NSD2: variants seen among roughly 807,000 people sequenced by gnomAD.
NSD2 encodes the protein nuclear receptor binding SET domain protein 2.
Under a neutral mutation model 139.0 loss-of-function variants are expected in NSD2, and 12 were observed. The observed-to-expected ratio is 0.09, with a 90% confidence interval of 0.06 to 0.14. The LOEUF (loss-of-function observed/expected upper bound fraction) is 0.14, where lower values mean the gene tolerates loss of function less well. NSD2 is among the 10% of genes least tolerant of loss of function. NSD2 has a pLI of 1.00. For missense variants in NSD2, 1,155 were observed against 1,745.0 expected, an observed-to-expected ratio of 0.66 and a Z score of 6.02; for synonymous variants, 669 against 648.7, an observed-to-expected ratio of 1.03 and a Z score of -0.48.
At chr4:1,886,624 G>T (rs1715133796) in intron 1 of NSD2, among the ~76,000 whole-genome samples, 1 of 152,118 alleles carries the variant, frequency 6.6e-6, no homozygotes, top group Non-Finnish European at 1.5e-5. Context: ...AAGGTCAGGA[G>T]ATCAAGACCA....
At position 1,982,090 on chromosome 4, in the gene NSD2, G is replaced by C. The variant is rs1186511900; in HGVS notation, c.*3181G>C. 2 of 396,674 alleles carry C rather than the reference G, an allele frequency of 5.0e-6. No homozygotes were observed. The highest frequency in any genetic ancestry group is 4.1e-5 in the African/African-American group (2 of 48,254). The allele number at this position is 396,674 out of a possible 1,614,324, so 24.6% of individuals were successfully genotyped here. Reference sequence around the variant, plus strand: ...TTGGGGGGAGGGATATACTGAAATAGAGAGTTGAGACTTGCCAGTTGGGGG... The same window carrying C: ...TTGGGGGGAGGGATATACTGAAATACAGAGTTGAGACTTGCCAGTTGGGGG... On this transcript the variant is annotated 3_prime_UTR_variant, in exon 22 of 22. Coordinates refer to ENST00000508803, the MANE Select transcript of NSD2 (RefSeq NM_001042424.3).
At chr4:1,943,781 G>T in intron 9 of NSD2, 8 of 1,060,852 alleles carry the variant, frequency 7.5e-6, no homozygotes, top group Non-Finnish European at 9.1e-6. Flanking sequence ...TATAAAAATG[G>T]CTCTGGTTCA....
rs1056240923 is a variant in NSD2, at chr4:1,901,349, A to G, written c.597+98A>G. ...GCACGAGTACTGGGGCGGGCGGAGA[A>G]GGTGAGGACAGGCCTGGTACTTCCA... On this transcript the variant is annotated intron_variant, in intron 2 of 21. Transcript: ENST00000508803. The G allele has an allele frequency of 7.4e-6, 8 of 1,084,302 alleles. No individual in the cohort carries two copies. In the African/African-American group the frequency reaches 1.1e-4, roughly 15 times the overall value. 67.2% of individuals were successfully genotyped at this position (1,084,302 alleles called of 1,614,324 possible).
At position 1,955,532 on chromosome 4, in the gene NSD2, G is replaced by A. The variant is rs1233069512; in HGVS notation, c.2519-161G>A. 1.1e-5 allele frequency: 13 copies of A among 1,229,218 alleles called. 1 individual carries two copies. Among genetic ancestry groups the A allele is most frequent in the Non-Finnish European group, 1.4e-5 (13 of 911,808 alleles). The allele number at this position is 1,229,218 out of a possible 1,614,324, so 76.1% of individuals were successfully genotyped here. On this transcript the variant is annotated intron_variant, in intron 13 of 21. Coordinates refer to ENST00000508803, the MANE Select transcript of NSD2 (RefSeq NM_001042424.3). This position sits in a 1 kb window ranked among gnomAD's most constrained non-coding sequence, Gnocchi z 4.7. ...TTCGCAAACATACAGGAAATTATTT[G>A]TGGTGAAAATGACATTTGCTCTCGT... is the stretch of plus-strand genomic sequence containing the variant.
intron 18 of NSD2, among the ~76,000 whole-genome samples, chr4:1,964,127 T>A (rs908516602): frequency 1.3e-5 from 2 of 152,218 alleles, no homozygotes; most frequent in African/African-American, 4.8e-5. Context: ...GTAACAAGAC[T>A]ACATTTAAAG....
chr4:1,935,874 C>T (rs1217054795), intron 7 of NSD2, among the ~76,000 whole-genome samples: 1 of 151,586 alleles, frequency 6.6e-6, no homozygotes, highest in Non-Finnish European at 1.5e-5. Flanking sequence ...AAAAAACAAA[C>T]AAAAAAACCC....
rs1199110177 is a variant in NSD2, at chr4:1,948,224, A to C, written c.1882-2848A>C. The C allele has an allele frequency of 1.9e-6, 2 of 1,064,528 alleles. No individual in the cohort carries two copies. Among genetic ancestry groups the C allele is most frequent in the East Asian group, 1.0e-4 (2 of 19,896 alleles). 65.9% of individuals were successfully genotyped at this position (1,064,528 alleles called of 1,614,324 possible). ...GCAGCATGGCTGTGGTGGACGCGGG[A>C]AACAACGGGAAAGTTCTTGACAGAG... On this transcript the variant is annotated intron_variant, in intron 9 of 21. Coordinates refer to ENST00000508803, the MANE Select transcript of NSD2 (RefSeq NM_001042424.3). This position sits in a 1 kb window ranked among gnomAD's most constrained non-coding sequence, Gnocchi z 4.5.
Position 1,972,068 on chromosome 4 carries a change from C to CAA in NSD2, c.3373-2793_3373-2792dup, listed in dbSNP as rs1197652111. Among the ~76,000 whole-genome samples the CAA allele has an allele frequency of 6.6e-6, 1 of 152,210 alleles. No individual in the cohort carries two copies. Among genetic ancestry groups the CAA allele is most frequent in the South Asian group, 2.1e-4 (1 of 4,830 alleles). Reference sequence around the variant, plus strand: ...GCAGAAACAGCAGAGCAGCAAGAGGCAAACAGTGTCTCTCGGAGAATGTGA... The same window carrying CAA: ...GCAGAAACAGCAGAGCAGCAAGAGGCAAAAACAGTGTCTCTCGGAGAATGTGA... On this transcript the variant is annotated intron_variant, in intron 18 of 21. Transcript: ENST00000508803. The surrounding 1 kb of genome is among the most constrained non-coding windows in gnomAD (Gnocchi z 4.0).
chr4:1,923,400 C>G (rs980805585), intron 5 of NSD2, among the ~76,000 whole-genome samples: 4 of 151,100 alleles, frequency 2.6e-5, no homozygotes, highest in Non-Finnish European at 5.9e-5. Flanking sequence ...AGAGCCGAAA[C>G]AATTCTGAAG....
chr4:1,955,350 C>T lies in NSD2; in HGVS notation c.2518+10C>T. 3.7e-6 allele frequency: 6 copies of T among 1,602,730 alleles called. No individual in the cohort carries two copies. Among genetic ancestry groups the T allele is most frequent in the Non-Finnish European group, 5.1e-6 (6 of 1,172,358 alleles). ...TTCGTGTGCTCCAAAGGTGAGGGGCCTGGGGGTGTCTGCGGCACACGCCTC... is the reference window on the plus strand; with the variant it reads ...TTCGTGTGCTCCAAAGGTGAGGGGCTTGGGGGTGTCTGCGGCACACGCCTC... On this transcript the variant is annotated intron_variant, in intron 13 of 21. Coordinates refer to ENST00000508803, the MANE Select transcript of NSD2 (RefSeq NM_001042424.3). This position sits in a 1 kb window ranked among gnomAD's most constrained non-coding sequence, Gnocchi z 4.7.
At chr4:1,936,308 C>G (rs1722391226) in intron 7 of NSD2, among the ~76,000 whole-genome samples, 1 of 152,134 alleles carries the variant, frequency 6.6e-6, no homozygotes, top group South Asian at 2.1e-4. Flanking sequence ...TCTCAGATGT[C>G]CGGTTAACTT....
At chr4:1,905,968 G>T (rs1717842836) in intron 3 of NSD2, among the ~76,000 whole-genome samples, 2 of 152,186 alleles carry the variant, frequency 1.3e-5, no homozygotes, top group African/African-American at 4.8e-5. Flanking sequence ...AGCCTCTGCA[G>T]CCCGGGTGCA....
rs1725791435 is a variant in NSD2, at chr4:1,965,473, A to G, written c.3372+4322A>G. 1.3e-5 allele frequency among the ~76,000 whole-genome samples: 2 copies of G among 152,236 alleles called. 1 individual carries two copies. The highest frequency in any genetic ancestry group is 4.1e-4 in the South Asian group (2 of 4,832). ...GACAACTTTGAAAAAATAATGGCTGAAAAATTCCCAGGTTTGATGAAACAC... is the reference window on the plus strand; with the variant it reads ...GACAACTTTGAAAAAATAATGGCTGGAAAATTCCCAGGTTTGATGAAACAC... On this transcript the variant is annotated intron_variant, in intron 18 of 21. Coordinates refer to ENST00000508803, the MANE Select transcript of NSD2 (RefSeq NM_001042424.3).
In NSD2 at chr4:1,900,944, A is replaced by C. The variant is rs376638264; in HGVS notation, c.290A>C (p.Lys97Thr). Reference sequence around the variant, plus strand: ...GGAGAACCCGGCGCACACGATGCCAAACTGCGTTTTGAGTCCCAGGAAATG... The same window carrying C: ...GGAGAACCCGGCGCACACGATGCCACACTGCGTTTTGAGTCCCAGGAAATG... ...FNGEPGAHDAKLRFESQEMKG... is the reference protein window; with the variant it reads ...FNGEPGAHDATLRFESQEMKG... Residue 97 changes from lysine to threonine, a missense_variant, in exon 2 of 22, where the codon AAA (lysine) becomes ACA (threonine). By Grantham distance (78) the Lys-to-Thr change is moderately conservative. This residue lies in a region of NSD2 where 246 missense variants were observed against 262.8 expected (regional missense o/e 0.94). Coordinates refer to ENST00000508803, the MANE Select transcript of NSD2 (RefSeq NM_001042424.3). The C allele has an allele frequency of 6.2e-7, 1 of 1,614,208 alleles. No homozygotes were observed. Among genetic ancestry groups the C allele is most frequent in the African/African-American group, 1.3e-5 (1 of 75,042 alleles).
chr4:1,935,222 C>T lies in NSD2; in HGVS notation c.1634C>T (p.Pro545Leu), dbSNP rs771509829. The T allele has an allele frequency of 2.5e-6, 4 of 1,613,180 alleles. No individual in the cohort carries two copies. In the South Asian group the frequency reaches 4.4e-5, roughly 18 times the overall value. Residue 545 changes from proline (P) to leucine (L), a missense_variant, in exon 7 of 22, where the codon CCC (proline) becomes CTC (leucine). Around this residue, in one of 8 missense-constraint regions of NSD2, gnomAD observed 420 missense variants for 469.0 expected, o/e 0.90. Transcript: ENST00000508803. ...PTEDAEAEDT[P>L]RKRLRTDKHS... The stretch of plus-strand genomic sequence containing the variant: ...GAAGATGCTGAAGCTGAGGACACAC[C>T]CAGGAAAAGACTCAGGACGGACAAG...
chr4:1,916,808 G>A, intron 3 of NSD2, 63 bp from the exon 4 acceptor site: 1 of 1,526,648 alleles, frequency 6.6e-7, no homozygotes. Flanking sequence ...AATAGCAGTA[G>A]ATTTGACTAG....
intron 12 of NSD2, among the ~76,000 whole-genome samples, chr4:1,953,826 G>A (rs1298271053): frequency 6.7e-6 from 1 of 148,698 alleles, no homozygotes; most frequent in Non-Finnish European, 1.5e-5. Flanking sequence ...ATAGAGTCTT[G>A]CTCTGTTACC....
intron 9 of NSD2, chr4:1,941,127 T>C: frequency 9.5e-7 from 1 of 1,054,550 alleles, no homozygotes; most frequent in South Asian, 4.6e-5. Context: ...TTATACAAAT[T>C]ATTTTTCCTT....
At chr4:1,906,693 C>T (rs1717960480) in intron 3 of NSD2, among the ~76,000 whole-genome samples, 1 of 128,626 alleles carries the variant, frequency 7.8e-6, no homozygotes, top group East Asian at 2.5e-4. Flanking sequence ...CACAGTTTCA[C>T]TCTGTCTCCC....
Sources: allele counts gnomAD v4.1 joint callset (sites outside exome capture counted in the v4.1 genomes callset), GRCh38; gene constraint gnomAD v4.1.1; regional missense constraint gnomAD v4.1.1; non-coding constraint Gnocchi (gnomAD v3.1); transcripts MANE v1.5; gene names NCBI Gene and HGNC (gene_info 2026-07-23, HGNC 2026-07-21).